The following EPG5 variants were observed in gnomAD, a reference collection of about 807,000 sequenced individuals.
The protein encoded by EPG5 is ectopic P granules protein 5 homolog.
EPG5 carries 159 observed loss-of-function variants against 302.7 expected under a neutral mutation model. That is an observed-to-expected ratio of 0.53 (90% CI 0.46 to 0.60). EPG5 has a LOEUF of 0.60. Among genes scored for constraint, EPG5 ranks in the 20% least tolerant of loss-of-function variants. EPG5 has a pLI of 0.00. For missense variants in EPG5, 2,896 were observed against 3,092.4 expected, an observed-to-expected ratio of 0.94 and a Z score of 1.51; for synonymous variants, 1,158 against 1,136.8, an observed-to-expected ratio of 1.02 and a Z score of -0.37.
At chr18:45,856,245 A>G (rs989069489) in intron 42 of EPG5, among the ~76,000 whole-genome samples, 6 of 152,276 alleles carry the variant, frequency 3.9e-5, no homozygotes. Context: ...ATGCTACAAC[A>G]TAAATGAACC....
chr18:45,921,724 ACAC>A (rs2050157515), intron 16 of EPG5, among the ~76,000 whole-genome samples: 2 of 152,076 alleles, frequency 1.3e-5, no homozygotes, highest in African/African-American at 4.8e-5. Flanking sequence ...AGAAAACCAA[ACAC>A]CACATGTTCT....
At chr18:45,907,833 C>T in intron 24 of EPG5, 125 bp downstream of exon 24, 1 of 920,348 alleles carries the variant, frequency 1.1e-6, no homozygotes, top group Non-Finnish European at 1.6e-6. Flanking sequence ...ACCATAGAAA[C>T]AATGACCATC....
chr18:45,822,887 T>C, the EPG5 span, among the ~76,000 whole-genome samples: 1 of 152,166 alleles, frequency 6.6e-6, no homozygotes, highest in African/African-American at 2.4e-5. Context: ...CCGGGACTAT[T>C]TATTAGGTAC....
At chr18:45,830,201 G>A in the EPG5 span, among the ~76,000 whole-genome samples, 1 of 152,226 alleles carries the variant, frequency 6.6e-6, no homozygotes. Flanking sequence ...TGGAGATTTT[G>A]GTCAGCTGTG....
intron 4 of EPG5, among the ~76,000 whole-genome samples, chr18:45,950,510 A>G (rs949662713): frequency 2.0e-4 from 31 of 152,156 alleles, no homozygotes; most frequent in African/African-American, 5.8e-4. Flanking sequence ...TTTGCCCTCC[A>G]CCATGATTCT....
chr18:45,899,120 C>A (rs1022002476), intron 27 of EPG5, among the ~76,000 whole-genome samples: 2 of 151,730 alleles, frequency 1.3e-5, no homozygotes, highest in African/African-American at 4.9e-5. Context: ...TTTCAAAAAA[C>A]AAACAAACAA....
At position 45,906,165 on chromosome 18, in the gene EPG5, C is replaced by CT. The variant is rs751033175; in HGVS notation, c.4329+1792_4329+1793insA. On this transcript the variant is annotated intron_variant, in intron 24 of 43. Transcript: ENST00000282041. Reference sequence around the variant, plus strand: ...AGAGCTCTCGTTGAAGCCCCTCAGGCACCCCCTCTTCCAGGGTTTATCTCT... The same window carrying CT: ...AGAGCTCTCGTTGAAGCCCCTCAGGCTACCCCCTCTTCCAGGGTTTATCTCT... 2.6e-5 allele frequency among the ~76,000 whole-genome samples: 4 copies of CT among 152,168 alleles called. No individual in the cohort carries two copies. In the South Asian group the frequency reaches 6.2e-4, roughly 24 times the overall value.
chr18:45,805,815 G>A, the EPG5 span, among the ~76,000 whole-genome samples: 1 of 152,178 alleles, frequency 6.6e-6, no homozygotes, highest in Non-Finnish European at 1.5e-5. Context: ...GTATGTGCAT[G>A]TGCCTAACAA....
Position 45,852,689 on chromosome 18 carries a change from G to A in EPG5, c.7558-40C>T, listed in dbSNP as rs749734168. The A allele has an allele frequency of 1.4e-5, 22 of 1,558,634 alleles. No homozygotes were observed. In the South Asian group the frequency reaches 2.2e-4, roughly 15 times the overall value. On this transcript the variant is annotated intron_variant, in intron 43 of 43. Coordinates refer to ENST00000282041, the MANE Select transcript of EPG5 (RefSeq NM_020964.3). ...AGATGAGAGGGTTAACTCCATAGAG[G>A]CACATAATGTGACTGCCAGAGGTAC...
the EPG5 span, chr18:45,829,102 G>C: frequency 3.7e-3 from 3,648 of 985,822 alleles, 109 homozygotes; most frequent in African/African-American, 0.06. Context: ...GGCTACATCG[G>C]GACTCTGAAG....
chr18:45,841,652 G>A, the EPG5 span, among the ~76,000 whole-genome samples: 1 of 152,174 alleles, frequency 6.6e-6, no homozygotes, highest in Non-Finnish European at 1.5e-5. Flanking sequence ...AGGGAGCCAG[G>A]CTGCCGGGGT....
chr18:45,923,299 T>A lies in EPG5; in HGVS notation c.2807A>T (p.Tyr936Phe), dbSNP rs1335013919. 6.2e-7 allele frequency: 1 copy of A among 1,613,994 alleles called. No homozygotes were observed. Among genetic ancestry groups the A allele is most frequent in the Non-Finnish European group, 8.5e-7 (1 of 1,179,940 alleles). Residue 936 changes from tyrosine (Y) to phenylalanine (F), a missense_variant, in exon 15 of 44, where the codon TAT becomes TTT. Tyr to Phe is a conservative substitution (Grantham distance 22, BLOSUM62 3). This residue lies in a region of EPG5 where 1,390 missense variants were observed against 1,430.0 expected (regional missense o/e 0.97). Coordinates refer to ENST00000282041, the MANE Select transcript of EPG5 (RefSeq NM_020964.3). The part of the protein sequence containing the change: ...AYQKYLAQKP[Y>F]AGILSESMKQ... ...CATACTTTCAGAGAGAATCCCAGCA[T>A]ATGGCTTCTGTGCAAGGTACTTCTG...
intron 36 of EPG5, among the ~76,000 whole-genome samples, chr18:45,868,539 T>C (rs1352746796): frequency 6.6e-6 from 1 of 151,054 alleles, no homozygotes; most frequent in Non-Finnish European, 1.5e-5. Flanking sequence ...TTATTTTTTA[T>C]TTTATTTTTA....
chr18:45,894,802 G>C (rs943734834), intron 27 of EPG5, among the ~76,000 whole-genome samples: 1 of 152,216 alleles, frequency 6.6e-6, no homozygotes, highest in South Asian at 2.1e-4. Flanking sequence ...AAGTGGGAGA[G>C]AGGATAAATG....
At chr18:45,878,861 C>A in intron 33 of EPG5, 152 bp downstream of exon 33, 1 of 634,214 alleles carries the variant, frequency 1.6e-6, no homozygotes, top group Non-Finnish European at 2.7e-6. Context: ...TATATTGTGA[C>A]ATATATGACA....
chr18:45,919,188 C>G (rs2050096530), intron 16 of EPG5, among the ~76,000 whole-genome samples: 1 of 152,062 alleles, frequency 6.6e-6, no homozygotes, highest in South Asian at 2.1e-4. Flanking sequence ...AACTTATGTC[C>G]CTGCCTACTC....
chr18:45,898,242 C>A (rs776428486), intron 27 of EPG5, among the ~76,000 whole-genome samples: 2 of 152,156 alleles, frequency 1.3e-5, no homozygotes, highest in African/African-American at 4.8e-5. Context: ...GCTCTGGAGC[C>A]GGACTGCCTG....
intron 10 of EPG5, among the ~76,000 whole-genome samples, chr18:45,935,281 G>A (rs1465920233): frequency 2.0e-5 from 3 of 152,162 alleles, no homozygotes; most frequent in Admixed American, 1.3e-4. Flanking sequence ...GGTGGCTCAC[G>A]CCTGTAATCC....
At position 45,874,538 on chromosome 18, in the gene EPG5, T is replaced by C. The variant is rs140143985; in HGVS notation, c.6049+1698A>G. 6.6e-3 allele frequency among the ~76,000 whole-genome samples: 1,012 copies of C among 152,234 alleles called. 16 individuals carry two copies. The highest frequency in any genetic ancestry group is 0.02 in the African/African-American group (831 of 41,552). Reference sequence around the variant, plus strand: ...CAATCATGGTGGAAGATGAAAGGCATGTCTTACATGGCAGCAGGCAAGAGA... The same window carrying C: ...CAATCATGGTGGAAGATGAAAGGCACGTCTTACATGGCAGCAGGCAAGAGA... On this transcript the variant is annotated intron_variant, in intron 35 of 43. Coordinates refer to ENST00000282041, the MANE Select transcript of EPG5 (RefSeq NM_020964.3).
Sources: allele counts gnomAD v4.1 joint callset (sites outside exome capture counted in the v4.1 genomes callset), GRCh38; gene constraint gnomAD v4.1.1; regional missense constraint gnomAD v4.1.1; transcripts MANE v1.5; gene names NCBI Gene and HGNC (gene_info 2026-07-23, HGNC 2026-07-21).